The following ZNF30 variants were observed in gnomAD, a reference collection of about 807,000 sequenced individuals.
ZNF30 encodes zinc finger protein 30 (KOX 28).
A neutral mutation model predicts 13.2 loss-of-function variants in ZNF30; 15 were observed. That is an observed-to-expected ratio of 1.13 (90% CI 0.76 to 1.75). The LOEUF (loss-of-function observed/expected upper bound fraction) is 1.75. ZNF30 is among the 40% of genes most tolerant of loss of function. The pLI is 0.00. For missense variants in ZNF30, 726 were observed against 757.0 expected (o/e 0.96, Z 0.48); for synonymous variants, 223 against 256.6 (o/e 0.87, Z 1.25).
At chr19:34,928,615 T>C (rs1367545088) in intron 1 of ZNF30, among the ~76,000 whole-genome samples, 1 of 150,848 alleles carries the variant, frequency 6.6e-6, no homozygotes, top group East Asian at 2.0e-4. Context: ...GGTGGATCAA[T>C]TGAGGTCAGG....
At chr19:34,926,887 G>A (rs1257173392), upstream of ZNF30, 13 of 398,028 alleles carry the variant, frequency 3.3e-5, no homozygotes, top group Middle Eastern at 6.2e-4. Flanking sequence ...GAAGTCTCCG[G>A]GCGCCGGTGG....
chr19:34,936,169 A>G (rs1280170311), intron 4 of ZNF30, among the ~76,000 whole-genome samples: 1 of 152,146 alleles, frequency 6.6e-6, no homozygotes, highest in African/African-American at 2.4e-5. Flanking sequence ...CCTATCAACC[A>G]TCATCCTAGT....
intron 1 of ZNF30, among the ~76,000 whole-genome samples, chr19:34,929,662 G>GGA (rs1403094009): frequency 6.6e-6 from 1 of 152,172 alleles, no homozygotes; most frequent in Non-Finnish European, 1.5e-5. Flanking sequence ...GGGCCTGGTG[G>GGA]GAAAGCTTGT....
chr19:34,942,647 G>GATGCCACCTGCACATGGAACC (rs1204045209), intron 4 of ZNF30: 11 of 1,289,334 alleles, frequency 8.5e-6, no homozygotes, highest in Non-Finnish European at 1.1e-5. Context: ...TTTAGGCGAT[G>GATGCCACCTGCACATGGAACC]ATGCCACCTG....
rs905392469 is a variant in ZNF30 at position 34,931,020 on chromosome 19, CT to C, written c.10-813del. ...TTCGTTTATAAGTATAAAATCATTA[CT>C]TTTTTTTTTCTTTTTTTCTTTTTTT... On this transcript the variant is annotated intron_variant, in intron 2 of 4. Coordinates refer to ENST00000601142, the MANE Select transcript of ZNF30 (RefSeq NM_194325.3). Among the ~76,000 whole-genome samples the C allele has an allele frequency of 7.0e-4, 101 of 144,546 alleles. 1 individual carries two copies. The highest frequency in any genetic ancestry group is 2.3e-3 in the African/African-American group (89 of 39,408). The allele number at this position is 144,546 out of a possible 152,430, so 94.8% of individuals were successfully genotyped here. A position where few individuals can be genotyped will look rare whatever the true frequency, so the allele number is the denominator to read the frequency against.
chr19:34,935,228 C>G (rs953922367), intron 4 of ZNF30, among the ~76,000 whole-genome samples: 2 of 119,410 alleles, frequency 1.7e-5, no homozygotes, highest in African/African-American at 8.3e-5. Context: ...GAGACTCCGT[C>G]TAAAAAAAAA....
intron 4 of ZNF30, among the ~76,000 whole-genome samples, chr19:34,937,195 TAG>T (rs2012786843): frequency 1.3e-5 from 2 of 151,924 alleles, no homozygotes. Context: ...ATATTTTTAG[TAG>T]AGATGGGGTT....
At chr19:34,942,453 AAG>A in intron 4 of ZNF30, 1 of 362,054 alleles carries the variant, frequency 2.8e-6, no homozygotes, top group Non-Finnish European at 4.8e-6. Context: ...CAAAAAAAAA[AAG>A]AAAAGAAAAA....
chr19:34,930,211 G>C (rs1019897162), intron 2 of ZNF30, among the ~76,000 whole-genome samples: 1 of 152,182 alleles, frequency 6.6e-6, no homozygotes, highest in Non-Finnish European at 1.5e-5. Context: ...ATAGAGCAGT[G>C]GAGGATTGAA....
upstream of ZNF30, among the ~76,000 whole-genome samples, chr19:34,925,707 G>A (rs1306250943): frequency 1.3e-5 from 2 of 152,126 alleles, no homozygotes; most frequent in Non-Finnish European, 2.9e-5. Flanking sequence ...AGGGCCAGGG[G>A]TGGAGCCCTA....
In ZNF30 at chr19:34,943,921, A is replaced by T; in HGVS notation, c.955A>T (p.Lys319Ter). Residue 319 changes from lysine (K) to a stop codon, truncating the protein, a stop_gained, in exon 5 of 5, where the codon AAG becomes TAG. Transcript: ENST00000601142. LOFTEE classifies it low-confidence loss of function (END_TRUNC). ...IHTGEKPYEC[K>*]ECGKSFTVYG... ...TACTGGCGAGAAACCCTATGAATGT[A>T]AGGAGTGTGGGAAGTCCTTCACTGT... The T allele has an allele frequency of 6.2e-7, 1 of 1,614,040 alleles. No homozygotes were observed. The highest frequency in any genetic ancestry group is 8.5e-7 in the Non-Finnish European group (1 of 1,179,962).
Position 34,927,027 on chromosome 19 carries a change from A to G in ZNF30, c.-254A>G, listed in dbSNP as rs969050270. ...CTCAGCGGCCACTGGAACGACCTCA[A>G]TCTCTGCCTCCTCGCCAGTTCATTG... On this transcript the variant is annotated 5_prime_UTR_variant, in exon 1 of 5. Coordinates refer to ENST00000601142, the MANE Select transcript of ZNF30 (RefSeq NM_194325.3). 4.3e-5 allele frequency: 17 copies of G among 398,472 alleles called. No individual in the cohort carries two copies. The highest frequency in any genetic ancestry group is 1.9e-4 in the African/African-American group (9 of 48,622). 24.7% of individuals were successfully genotyped at this position (398,472 alleles called of 1,614,324 possible). A position where few individuals can be genotyped will look rare whatever the true frequency, so the allele number is the denominator to read the frequency against.
chr19:34,944,494 A>G lies in ZNF30; in HGVS notation c.1528A>G (p.Lys510Glu). The G allele has an allele frequency of 6.2e-7, 1 of 1,613,764 alleles. No individual in the cohort carries two copies. The highest frequency in any genetic ancestry group is 8.5e-7 in the Non-Finnish European group (1 of 1,179,932). The part of the protein sequence containing the change: ...VQHSRIHTGK[K>E]PYECKECGKA... ...ACATAGCAGAATCCATACTGGTAAGAAGCCCTATGAGTGTAAGGAGTGTGG... is the reference window on the plus strand; with the variant it reads ...ACATAGCAGAATCCATACTGGTAAGGAGCCCTATGAGTGTAAGGAGTGTGG... The change falls in exon 5 of 5, where the codon AAG (lysine) becomes GAG (glutamate). Residue 510 changes from lysine (K) to glutamate (E), a missense_variant. Transcript: ENST00000601142.
At chr19:34,942,660 C>G in intron 4 of ZNF30, 1 of 1,288,388 alleles carries the variant, frequency 7.8e-7, no homozygotes, top group African/African-American at 1.5e-5. Context: ...GCCACCTGCA[C>G]ATGGAACCAA....
chr19:34,932,714 T>A (rs1364865788), intron 3 of ZNF30, among the ~76,000 whole-genome samples: 1 of 151,952 alleles, frequency 6.6e-6, no homozygotes, highest in African/African-American at 2.4e-5. Context: ...TAGGTGACGG[T>A]AGCAGAAACT....
At chr19:34,924,648 T>C (rs2012004041), upstream of ZNF30, among the ~76,000 whole-genome samples, 1 of 152,196 alleles carries the variant, frequency 6.6e-6, no homozygotes, top group South Asian at 2.1e-4. Context: ...CACAGGATAT[T>C]GCAAATTTGT....
intron 4 of ZNF30, among the ~76,000 whole-genome samples, chr19:34,941,856 A>G (rs1161827641): frequency 6.6e-6 from 1 of 150,774 alleles, no homozygotes; most frequent in East Asian, 1.9e-4. Flanking sequence ...TTTTGTCTCA[A>G]TATATCAAAG....
intron 4 of ZNF30, among the ~76,000 whole-genome samples, chr19:34,938,807 C>T (rs949401137): frequency 6.6e-6 from 1 of 152,170 alleles, no homozygotes; most frequent in African/African-American, 2.4e-5. Flanking sequence ...AGCGGGGCAG[C>T]CTCACCTGTT....
intron 2 of ZNF30, among the ~76,000 whole-genome samples, chr19:34,931,294 C>T (rs1335868489): frequency 1.3e-5 from 2 of 152,098 alleles, no homozygotes; most frequent in Admixed American, 1.3e-4. Context: ...ACCTCAGCCT[C>T]GCAAAGTTAC....
Sources: allele counts gnomAD v4.1 joint callset (sites outside exome capture counted in the v4.1 genomes callset), GRCh38; gene constraint gnomAD v4.1.1; transcripts MANE v1.5; gene names NCBI Gene and HGNC (gene_info 2026-07-23, HGNC 2026-07-21).